DGKB: variants seen among roughly 807,000 people sequenced by gnomAD.
DGKB encodes diacylglycerol kinase beta, also known as 90 kDa diacylglycerol kinase.
In DGKB, 67 loss-of-function variants were observed where a neutral mutation model predicts 114.3. That is an observed-to-expected ratio of 0.59 (90% CI 0.48 to 0.72). The LOEUF (loss-of-function observed/expected upper bound fraction) is 0.72, where lower values mean the gene tolerates loss of function less well. Among genes scored for constraint, DGKB ranks in the 30% least tolerant of loss-of-function variants. The pLI, the probability that DGKB is intolerant of heterozygous loss-of-function variation, is 0.00. For synonymous variants in DGKB, 398 were observed against 323.1 expected, an observed-to-expected ratio of 1.23 and a Z score of -2.49; for missense variants, 907 against 975.2, an observed-to-expected ratio of 0.93 and a Z score of 0.93.
intron 1 of DGKB, among the ~76,000 whole-genome samples, chr7:14,957,340 G>A (rs748810561): frequency 1.3e-5 from 2 of 151,962 alleles, no homozygotes; most frequent in Non-Finnish European, 2.9e-5. Flanking sequence ...TATTTATTGT[G>A]TGGTACCAAT....
intron 23 of DGKB, among the ~76,000 whole-genome samples, chr7:14,236,323 G>A (rs998587716): frequency 6.6e-6 from 1 of 150,482 alleles, no homozygotes; most frequent in Non-Finnish European, 1.5e-5. Flanking sequence ...TAGAAAAATG[G>A]AGAGTATTCA....
chr7:14,496,627 A>C (rs1049282801), intron 20 of DGKB, among the ~76,000 whole-genome samples: 5 of 151,806 alleles, frequency 3.3e-5, no homozygotes, highest in African/African-American at 9.7e-5. Flanking sequence ...TAGGCAAATA[A>C]TATTTGTAAA....
Position 14,399,889 on chromosome 7 carries a change from C to A in DGKB, c.1836-54498G>T, listed in dbSNP as rs1822822342. 2.6e-5 allele frequency among the ~76,000 whole-genome samples: 4 copies of A among 151,850 alleles called. No individual in the cohort carries two copies. The South Asian group carries it at 8.3e-4, about 32-fold the overall frequency. Reference sequence around the variant, plus strand: ...TTTTTAAACAGTCTTCATAGACTGCCAGATTTTTCTCTTTTGATAGAAGAG... The same window carrying A: ...TTTTTAAACAGTCTTCATAGACTGCAAGATTTTTCTCTTTTGATAGAAGAG... On this transcript the variant is annotated intron_variant, in intron 21 of 25. Transcript: ENST00000402815.
intron 21 of DGKB, among the ~76,000 whole-genome samples, chr7:14,387,421 A>G (rs959693955): frequency 1.3e-5 from 2 of 151,742 alleles, no homozygotes; most frequent in African/African-American, 4.8e-5. Flanking sequence ...CAAAAAAAAA[A>G]AAAAAAAAAA....
chr7:14,844,035 G>A (rs913972803), intron 1 of DGKB, among the ~76,000 whole-genome samples: 1 of 152,182 alleles, frequency 6.6e-6, no homozygotes, highest in Non-Finnish European at 1.5e-5. Flanking sequence ...AGCCCACCCA[G>A]TATCCATTCT....
At position 14,491,033 on chromosome 7, in the gene DGKB, A is replaced by G. The variant is rs1387321960; in HGVS notation, c.1771-12808T>C. Reference sequence around the variant, plus strand: ...TAGATCTGAGTTTAAGGGGCTTTCTAGAGATTATGCAGCTCCCTAGAAGTG... The same window carrying G: ...TAGATCTGAGTTTAAGGGGCTTTCTGGAGATTATGCAGCTCCCTAGAAGTG... On this transcript the variant is annotated intron_variant, in intron 20 of 25. Transcript: ENST00000402815. 2.6e-5 allele frequency among the ~76,000 whole-genome samples: 4 copies of G among 151,916 alleles called. No homozygotes were observed. The South Asian group carries it at 8.3e-4, about 32-fold the overall frequency.
intron 13 of DGKB, among the ~76,000 whole-genome samples, chr7:14,668,037 T>G (rs1818339809): frequency 6.6e-6 from 1 of 152,078 alleles, no homozygotes; most frequent in South Asian, 2.1e-4. Context: ...AGACCCTTGT[T>G]TACTGTAATA....
At chr7:14,563,171 T>C (rs890056498) in intron 20 of DGKB, among the ~76,000 whole-genome samples, 15 of 152,178 alleles carry the variant, frequency 9.9e-5, no homozygotes, top group African/African-American at 3.6e-4. Flanking sequence ...CCTTCTGCCA[T>C]GATTGGGAGG....
At chr7:14,193,624 A>G (rs1365415532) in intron 23 of DGKB, among the ~76,000 whole-genome samples, 2 of 152,176 alleles carry the variant, frequency 1.3e-5, no homozygotes, top group Admixed American at 6.5e-5. Context: ...ATGCTTTATG[A>G]CGTTAGGGTG....
chr7:14,316,770 C>CT (rs1486027888), intron 23 of DGKB, among the ~76,000 whole-genome samples: 3 of 151,470 alleles, frequency 2.0e-5, no homozygotes, highest in Non-Finnish European at 4.4e-5. Flanking sequence ...GGGAATCCTC[C>CT]CTAACTCATT....
At chr7:14,316,243 C>T (rs1338306497) in intron 23 of DGKB, among the ~76,000 whole-genome samples, 1 of 151,470 alleles carries the variant, frequency 6.6e-6, no homozygotes, top group East Asian at 1.9e-4. Context: ...CAAGAGCAAA[C>T]ACATTCCAAA....
rs373854821 is a variant in DGKB at position 14,894,201 on chromosome 7, G to A, written c.-188+8391C>T. On this transcript the variant is annotated intron_variant, in intron 1 of 25. Transcript: ENST00000402815. ...TAAGAAGTTCCTAAAATAAAAAACT[G>A]TTCAACTTTATTTAATATTTAAATA... Among the ~76,000 whole-genome samples the A allele has an allele frequency of 9.4e-4, 143 of 151,480 alleles. 1 individual carries two copies. The highest frequency in any genetic ancestry group is 3.3e-3 in the African/African-American group (136 of 41,452).
chr7:14,965,258 G>C (rs749668373), intron 1 of DGKB, among the ~76,000 whole-genome samples: 2 of 152,116 alleles, frequency 1.3e-5, no homozygotes, highest in African/African-American at 4.8e-5. Context: ...GGAGATGGTT[G>C]TGTACACTGT....
intron 1 of DGKB, among the ~76,000 whole-genome samples, chr7:14,846,331 G>A (rs145054363): frequency 5.3e-5 from 8 of 152,094 alleles, no homozygotes; most frequent in East Asian, 1.9e-4. Flanking sequence ...CCCTCATCAC[G>A]TGATATGACA....
At chr7:14,747,059 T>C (rs906191023) in intron 4 of DGKB, among the ~76,000 whole-genome samples, 1 of 152,220 alleles carries the variant, frequency 6.6e-6, no homozygotes, top group Non-Finnish European at 1.5e-5. Context: ...ACATTATTTA[T>C]TGCTGAAGTG....
At chr7:14,933,664 T>C (rs1026047666) in intron 1 of DGKB, among the ~76,000 whole-genome samples, 1 of 152,128 alleles carries the variant, frequency 6.6e-6, no homozygotes, top group African/African-American at 2.4e-5. Flanking sequence ...TATACAAAGA[T>C]AAAAAAGCAA....
intron 1 of DGKB, among the ~76,000 whole-genome samples, chr7:14,918,624 TAG>T (rs1195129108): frequency 1.3e-5 from 2 of 152,148 alleles, no homozygotes; most frequent in African/African-American, 4.8e-5. Context: ...GCTAAATAAA[TAG>T]AAAGATGTTT....
At chr7:14,869,485 G>T (rs1226049731) in intron 1 of DGKB, among the ~76,000 whole-genome samples, 1 of 152,096 alleles carries the variant, frequency 6.6e-6, no homozygotes, top group Non-Finnish European at 1.5e-5. Context: ...TTTTACAAAA[G>T]TGTTTAAACT....
At chr7:14,884,246 G>A (rs1854673847) in intron 1 of DGKB, among the ~76,000 whole-genome samples, 1 of 151,852 alleles carries the variant, frequency 6.6e-6, no homozygotes, top group Admixed American at 6.6e-5. Context: ...AGGCAACACT[G>A]AGAGAATTTT....
Sources: allele counts gnomAD v4.1 joint callset (sites outside exome capture counted in the v4.1 genomes callset), GRCh38; gene constraint gnomAD v4.1.1; transcripts MANE v1.5; gene names NCBI Gene and HGNC (gene_info 2026-07-23, HGNC 2026-07-21).